TBL1X: variants seen among roughly 807,000 people sequenced by gnomAD.
TBL1X encodes transducin beta like 1 X-linked.
In TBL1X, 10 loss-of-function variants were observed where a neutral mutation model predicts 50.7. The observed-to-expected ratio is 0.20, with a 90% CI of 0.12 to 0.33. The LOEUF (loss-of-function observed/expected upper bound fraction) is 0.33. Among genes scored for constraint, TBL1X ranks in the 10% least tolerant of loss-of-function variants. The probability of loss-of-function intolerance (pLI) is 1.00; values close to 1 mark genes in which losing one functional copy is unlikely to be tolerated. For synonymous variants in TBL1X, 190 were observed against 214.7 expected, an observed-to-expected ratio of 0.88 and a Z score of 1.01; for missense variants, 340 against 504.4, an observed-to-expected ratio of 0.67 and a Z score of 3.12.
intron 13 of TBL1X, among the ~76,000 whole-genome samples, chrX:9,706,521 A>G (rs1259941230): frequency 9.0e-6 from 1 of 111,115 alleles, no homozygotes; most frequent in Non-Finnish European, 1.9e-5. Flanking sequence ...ATGGCCATCA[A>G]ACACCAGAAT....
At chrX:9,479,970 G>GTGTGTGTGTGT (rs2081871803) in intron 1 of TBL1X, among the ~76,000 whole-genome samples, 6 of 109,892 alleles carry the variant, frequency 5.5e-5, no homozygotes, top group South Asian at 3.9e-4. Context: ...GTGTGTTTGA[G>GTGTGTGTGTGT]ATGGAGTTTT....
intron 2 of TBL1X, among the ~76,000 whole-genome samples, chrX:9,536,844 A>T (rs770084186): frequency 2.1e-3 from 238 of 111,660 alleles, no homozygotes; most frequent in South Asian, 4.5e-3. Flanking sequence ...TTTGACTTTT[A>T]TCATAGAGAC....
intron 1 of TBL1X, among the ~76,000 whole-genome samples, chrX:9,491,317 TATATATATATATATATATATA>T: frequency 3.1e-5 from 1 of 31,983 alleles, no homozygotes; most frequent in Admixed American, 5.0e-4. Flanking sequence ...TATATATATA[TATATATATATATATATATATA>T]TTTTTTTTTT....
intron 2 of TBL1X, among the ~76,000 whole-genome samples, chrX:9,605,416 C>A (rs1174962929): frequency 1.8e-5 from 2 of 112,542 alleles, no homozygotes; most frequent in African/African-American, 6.5e-5. Flanking sequence ...CAGAGGGTCT[C>A]TTTCGATCAG....
chrX:9,582,130 CT>C (rs2082446039), intron 2 of TBL1X, among the ~76,000 whole-genome samples: 1 of 112,313 alleles, frequency 8.9e-6, no homozygotes, highest in East Asian at 2.8e-4. Flanking sequence ...AGCATGGCTT[CT>C]GTTACACAGT....
At chrX:9,478,282 C>T (rs957854527) in intron 1 of TBL1X, among the ~76,000 whole-genome samples, 7 of 110,980 alleles carry the variant, frequency 6.3e-5, no homozygotes, top group Non-Finnish European at 1.3e-4. Context: ...CCAGGGCACA[C>T]ACCCCCTTAT....
chrX:9,682,807 G>C (rs971104860), intron 5 of TBL1X, among the ~76,000 whole-genome samples: 1 of 111,969 alleles, frequency 8.9e-6, no homozygotes, highest in Non-Finnish European at 1.9e-5. Context: ...CCTGCAGAGT[G>C]GTCTAACCAG....
chrX:9,520,328 A>C (rs1422321210), intron 2 of TBL1X, among the ~76,000 whole-genome samples: 4 of 111,414 alleles, frequency 3.6e-5, no homozygotes, highest in Non-Finnish European at 5.6e-5. Flanking sequence ...CCCCCCACCG[A>C]GGGACTGTGG....
chrX:9,622,862 A>G (rs1445151359), intron 2 of TBL1X, among the ~76,000 whole-genome samples: 1 of 112,030 alleles, frequency 8.9e-6, no homozygotes, highest in Non-Finnish European at 1.9e-5. Flanking sequence ...CATGTTGTTT[A>G]TCCACTCATC....
chrX:9,571,227 G>A (rs982698816), intron 2 of TBL1X, among the ~76,000 whole-genome samples: 2 of 111,408 alleles, frequency 1.8e-5, no homozygotes, highest in African/African-American at 6.5e-5. Flanking sequence ...GCCTTTCCTC[G>A]GAGCGTCTGT....
chrX:9,662,980 T>G, intron 5 of TBL1X, among the ~76,000 whole-genome samples: 1 of 111,240 alleles, frequency 9.0e-6, no homozygotes, highest in East Asian at 2.8e-4. Flanking sequence ...TTAAAAATGG[T>G]TAGCATGATA....
At chrX:9,684,791 A>T (rs774142176) in intron 6 of TBL1X, among the ~76,000 whole-genome samples, 13 of 111,819 alleles carry the variant, frequency 1.2e-4, no homozygotes, top group African/African-American at 3.6e-4. Context: ...TCTGAAAAAG[A>T]TACGGCAGAT....
intron 1 of TBL1X, among the ~76,000 whole-genome samples, chrX:9,501,455 C>T (rs1988213308): frequency 9.0e-6 from 1 of 111,491 alleles, no homozygotes; most frequent in Non-Finnish European, 1.9e-5. Context: ...TGGGCCTCAG[C>T]GAGATGGCAA....
intron 3 of TBL1X, among the ~76,000 whole-genome samples, chrX:9,643,271 C>T: frequency 9.0e-6 from 1 of 111,077 alleles, no homozygotes. Flanking sequence ...TGTCAAATGT[C>T]CCGCAGTTCA....
chrX:9,521,173 A>T (rs2082105198), intron 2 of TBL1X, among the ~76,000 whole-genome samples: 2 of 110,855 alleles, frequency 1.8e-5, no homozygotes, highest in South Asian at 7.6e-4. Flanking sequence ...GCAGGAGGGA[A>T]ATTTTGAGGG....
intron 3 of TBL1X, among the ~76,000 whole-genome samples, chrX:9,641,209 T>C (rs189717037): frequency 8.0e-5 from 9 of 111,805 alleles, no homozygotes; most frequent in Admixed American, 6.7e-4. Flanking sequence ...GAGATTACTA[T>C]GTGTAAATCT....
Position 9,688,034 on chromosome X carries a change from C to T in TBL1X, c.375C>T (p.Asp125=), listed in dbSNP as rs1289632023. The change falls in exon 7 of 18, where the codon GAC becomes GAT. Residue 125 remains aspartate (D), a synonymous_variant. Transcript: ENST00000645353. The part of the protein sequence containing the change: ...ISINEDGTVF[D]GRPIESLSLI... ...TTCCCCAGGATGGCACAGTGTTCGA[C>T]GGCCGCCCCATAGAGTCCCTGTCAC... is the stretch of plus-strand genomic sequence containing the variant. 6 of 1,205,666 alleles carry T rather than the reference C, an allele frequency of 5.0e-6. No homozygotes were observed. The highest frequency in any genetic ancestry group is 2.2e-5 in the Admixed American group (1 of 45,432).
intron 6 of TBL1X, 114 bp downstream of exon 6, chrX:9,684,302 C>T (rs2083043358): frequency 2.1e-5 from 22 of 1,023,662 alleles, no homozygotes; most frequent in Middle Eastern, 3.5e-4. Flanking sequence ...ATTAATTCCG[C>T]GGCAGGGTGC....
At chrX:9,701,272 AACTG>A (rs896422225) in intron 12 of TBL1X, among the ~76,000 whole-genome samples, 11 of 110,963 alleles carry the variant, frequency 9.9e-5, no homozygotes, top group African/African-American at 3.6e-4. Context: ...TTCAAAAGGA[AACTG>A]ACTGGCTGGG....
Sources: gnomAD v4.1 joint callset for allele counts (sites outside exome capture counted in the v4.1 genomes callset) on GRCh38, gnomAD v4.1.1 for gene constraint, MANE v1.5 for transcripts, NCBI Gene and HGNC (gene_info 2026-07-23, HGNC 2026-07-21) for gene names.